Variants in GAS7 observed in about 807,000 individuals in gnomAD.
GAS7 encodes the protein growth arrest specific 7.
Under a neutral mutation model 71.1 loss-of-function variants are expected in GAS7, and 28 were observed. The ratio of observed to expected loss-of-function variants is 0.39; its 90% CI spans 0.29 to 0.54. The LOEUF (loss-of-function observed/expected upper bound fraction) is 0.54. Among genes scored for constraint, GAS7 ranks in the 20% least tolerant of loss-of-function variants. The pLI is 0.62. For missense variants in GAS7, 436 were observed against 627.8 expected (o/e 0.69, Z 3.27); for synonymous variants, 258 against 245.8 (o/e 1.05, Z -0.46).
intron 1 of GAS7, among the ~76,000 whole-genome samples, chr17:10,141,511 G>C (rs2074081066): frequency 6.6e-6 from 1 of 151,918 alleles, no homozygotes; most frequent in Non-Finnish European, 1.5e-5. Context: ...CAGATTCCCA[G>C]GGTAGATCCA....
At chr17:10,014,625 C>A (rs911823881) in intron 2 of GAS7, among the ~76,000 whole-genome samples, 1 of 152,186 alleles carries the variant, frequency 6.6e-6, no homozygotes, top group Non-Finnish European at 1.5e-5. Flanking sequence ...GCCCCCTCCC[C>A]CTGCAAAGAC....
In GAS7 at chr17:9,994,037, A is replaced by G. The variant is rs1371712186; in HGVS notation, c.305-12153T>C. Among the ~76,000 whole-genome samples the G allele has an allele frequency of 4.3e-3, 625 of 146,640 alleles. 8 individuals carry two copies. The highest frequency in any genetic ancestry group is 0.015 in the African/African-American group (595 of 39,846). The stretch of plus-strand genomic sequence containing the variant: ...TGCTCAAGGAAATAAAAGAGGATAC[A>G]AACAAATGGAAGAACATTCCATGCT... On this transcript the variant is annotated intron_variant, in intron 2 of 13. Transcript: ENST00000432992.
At chr17:10,195,590 C>A (rs2074534853) in intron 1 of GAS7, among the ~76,000 whole-genome samples, 1 of 152,200 alleles carries the variant, frequency 6.6e-6, no homozygotes. Context: ...GCTGCCCTGG[C>A]CTTCTGAACT....
chr17:9,968,555 C>T (rs559907580), intron 4 of GAS7, among the ~76,000 whole-genome samples: 5 of 152,336 alleles, frequency 3.3e-5, no homozygotes, highest in South Asian at 4.1e-4. Flanking sequence ...GACTTAATAA[C>T]GTTCCCCCAA....
At chr17:10,083,875 T>C (rs960590231) in intron 1 of GAS7, among the ~76,000 whole-genome samples, 2 of 152,090 alleles carry the variant, frequency 1.3e-5, no homozygotes, top group Non-Finnish European at 2.9e-5. Flanking sequence ...ATACATAAAA[T>C]AGGTGAAGGG....
chr17:10,129,543 CA>C (rs1353459173), intron 1 of GAS7, among the ~76,000 whole-genome samples: 1 of 151,890 alleles, frequency 6.6e-6, no homozygotes, highest in Non-Finnish European at 1.5e-5. Flanking sequence ...AAAAACAAAA[CA>C]AAAAAACTCT....
At chr17:10,115,568 C>A (rs148164132) in intron 1 of GAS7, among the ~76,000 whole-genome samples, 283 of 152,328 alleles carry the variant, frequency 1.9e-3, no homozygotes, top group African/African-American at 6.6e-3. Context: ...TCCCTCCTTG[C>A]CCCTTCTTGG....
At chr17:10,047,847 T>C (rs1484173853) in intron 1 of GAS7, among the ~76,000 whole-genome samples, 1 of 152,118 alleles carries the variant, frequency 6.6e-6, no homozygotes, top group Non-Finnish European at 1.5e-5. Context: ...TGTCCCCAAA[T>C]TGCAAAGGAC....
intron 3 of GAS7, among the ~76,000 whole-genome samples, chr17:9,980,427 G>A (rs2070369829): frequency 6.6e-6 from 1 of 152,124 alleles, no homozygotes; most frequent in African/African-American, 2.4e-5. Flanking sequence ...GCTGCTTCAG[G>A]TAAACTATTT....
Position 10,028,240 on chromosome 17 carries a change from G to A in GAS7, c.184-8343C>T, listed in dbSNP as rs141192453. The stretch of plus-strand genomic sequence containing the variant: ...TTTTTTAAATTTAGCTGTGCATGGT[G>A]GTACGCATCTGTAGCTCCAGGTACT... On this transcript the variant is annotated intron_variant, in intron 1 of 13. Coordinates refer to ENST00000432992, the MANE Select transcript of GAS7 (RefSeq NM_201433.2). Among the ~76,000 whole-genome samples the A allele has an allele frequency of 1.3e-4, 20 of 152,138 alleles. No homozygotes were observed. The East Asian group carries it at 3.9e-3, about 29-fold the overall frequency.
intron 1 of GAS7, among the ~76,000 whole-genome samples, chr17:10,141,663 A>G (rs2074082227): frequency 6.6e-6 from 1 of 152,188 alleles, no homozygotes; most frequent in Admixed American, 6.5e-5. Context: ...ACTCCAGGGC[A>G]CATTCCAGCT....
intron 1 of GAS7, among the ~76,000 whole-genome samples, chr17:10,181,391 A>G (rs1462743933): frequency 2.0e-5 from 3 of 150,990 alleles, no homozygotes; most frequent in African/African-American, 4.9e-5. Flanking sequence ...GAATGGGGAT[A>G]TATCTCAATA....
chr17:9,945,008 C>T (rs1387863922), intron 6 of GAS7, among the ~76,000 whole-genome samples: 15 of 151,992 alleles, frequency 9.9e-5, no homozygotes, highest in Admixed American at 9.8e-4. Context: ...CCAGAGAGCT[C>T]GAATTAAGAT....
intron 4 of GAS7, among the ~76,000 whole-genome samples, chr17:9,961,331 G>A (rs905515957): frequency 3.9e-5 from 6 of 152,204 alleles, no homozygotes; most frequent in African/African-American, 1.4e-4. Context: ...GGAGGTACCA[G>A]TCACCAAGGA....
At chr17:10,000,843 T>C (rs79704560) in intron 2 of GAS7, among the ~76,000 whole-genome samples, 1 of 152,150 alleles carries the variant, frequency 6.6e-6, no homozygotes, top group Admixed American at 6.5e-5. Context: ...GTGGCACCCA[T>C]CTACCCAATC....
intron 1 of GAS7, among the ~76,000 whole-genome samples, chr17:10,110,411 G>A (rs1353435012): frequency 2.0e-5 from 3 of 152,028 alleles, no homozygotes; most frequent in Non-Finnish European, 4.4e-5. Context: ...GAAAGAGGGG[G>A]GATGAAGAGA....
chr17:9,927,336 A>ACACACACAC (rs1380243228), intron 9 of GAS7, among the ~76,000 whole-genome samples: 2 of 75,620 alleles, frequency 2.6e-5, no homozygotes, highest in African/African-American at 4.6e-5. Flanking sequence ...CACACACACA[A>ACACACACAC]ATTAGCTGGG....
intron 1 of GAS7, among the ~76,000 whole-genome samples, chr17:10,180,110 G>A (rs371206198): frequency 9.3e-4 from 141 of 152,276 alleles, no homozygotes; most frequent in African/African-American, 3.3e-3. Flanking sequence ...GGAGGCCAAG[G>A]CAGGTGGATC....
At chr17:10,080,377 C>T (rs2073445919) in intron 1 of GAS7, among the ~76,000 whole-genome samples, 1 of 152,154 alleles carries the variant, frequency 6.6e-6, no homozygotes, top group Non-Finnish European at 1.5e-5. Flanking sequence ...GAATAATCCA[C>T]CCCTTATTTG....
Sources: allele counts gnomAD v4.1 joint callset (sites outside exome capture counted in the v4.1 genomes callset), GRCh38; gene constraint gnomAD v4.1.1; transcripts MANE v1.5; gene names NCBI Gene and HGNC (gene_info 2026-07-23, HGNC 2026-07-21).